The following SH3RF2 variants were observed in gnomAD, a reference collection of about 807,000 sequenced individuals.
SH3RF2 encodes E3 ubiquitin-protein ligase SH3RF2.
A neutral mutation model predicts 59.0 loss-of-function variants in SH3RF2; 43 were observed. That is an observed-to-expected ratio of 0.73 (90% CI 0.57 to 0.94). The LOEUF (loss-of-function observed/expected upper bound fraction) is 0.94. Among genes scored for constraint, SH3RF2 ranks in the 40% least tolerant of loss-of-function variants. The probability of loss-of-function intolerance (pLI) is 0.00; values close to 1 mark genes in which losing one functional copy is unlikely to be tolerated. For missense variants in SH3RF2, 930 were observed against 940.1 expected (o/e 0.99, Z 0.14); for synonymous variants, 391 against 391.5 (o/e 1.00, Z 0.01).
At position 146,059,942 on chromosome 5, in the gene SH3RF2, G is replaced by A; in HGVS notation, c.1632G>A (p.Met544Ile). Residue 544 changes from methionine to isoleucine, a missense_variant, in exon 9 of 10, where the codon ATG (methionine) becomes ATA (isoleucine). Transcript: ENST00000359120. ...VVGSLRRSPT[M>I]VLRPQQFQFY... Reference sequence around the variant, plus strand: ...GCTCCCTCAGACGCAGCCCCACCATGGTCCTTCGGCCTCAGCAGTTCCAAT... The same window carrying A: ...GCTCCCTCAGACGCAGCCCCACCATAGTCCTTCGGCCTCAGCAGTTCCAAT... 6.5e-7 allele frequency: 1 copy of A among 1,528,214 alleles called. No homozygotes were observed. Among genetic ancestry groups the A allele is most frequent in the African/African-American group, 1.4e-5 (1 of 72,276 alleles). The allele number at this position is 1,528,214 out of a possible 1,614,324, so 94.7% of individuals were successfully genotyped here. A position where few individuals can be genotyped will look rare whatever the true frequency, so the allele number is the denominator to read the frequency against.
At chr5:145,979,587 T>A (rs1759434023) in intron 2 of SH3RF2, among the ~76,000 whole-genome samples, 1 of 152,172 alleles carries the variant, frequency 6.6e-6, no homozygotes, top group Non-Finnish European at 1.5e-5. Flanking sequence ...AAATACCCCA[T>A]CATGGCTACT....
intron 2 of SH3RF2, among the ~76,000 whole-genome samples, chr5:145,982,584 G>A (rs1209892280): frequency 1.3e-5 from 2 of 152,190 alleles, no homozygotes; most frequent in African/African-American, 4.8e-5. Flanking sequence ...GAAATTAGGA[G>A]ACTATCATTC....
chr5:145,995,648 A>G (rs1440165459), intron 2 of SH3RF2, among the ~76,000 whole-genome samples: 1 of 152,214 alleles, frequency 6.6e-6, no homozygotes, highest in Non-Finnish European at 1.5e-5. Context: ...TTATTATAGA[A>G]AAGTTAGAGA....
At chr5:145,995,850 A>C (rs1014321568) in intron 2 of SH3RF2, among the ~76,000 whole-genome samples, 6 of 152,210 alleles carry the variant, frequency 3.9e-5, no homozygotes, top group Non-Finnish European at 8.8e-5. Context: ...ACTTAATGGT[A>C]TATTATCAGT....
intron 2 of SH3RF2, among the ~76,000 whole-genome samples, chr5:145,950,071 GA>G (rs1167791092): frequency 6.6e-6 from 1 of 152,182 alleles, no homozygotes; most frequent in Non-Finnish European, 1.5e-5. Context: ...AAGAAAGGTG[GA>G]TATAGTTGCT....
chr5:146,057,713 G>T (rs1242671293), intron 8 of SH3RF2, among the ~76,000 whole-genome samples: 1 of 152,084 alleles, frequency 6.6e-6, no homozygotes, highest in Non-Finnish European at 1.5e-5. Context: ...GCTGAGGTGG[G>T]AACATTACTT....
intron 5 of SH3RF2, among the ~76,000 whole-genome samples, chr5:146,042,148 G>A (rs1463930550): frequency 6.6e-6 from 1 of 152,046 alleles, no homozygotes; most frequent in Non-Finnish European, 1.5e-5. Context: ...GCCACGGCAT[G>A]GGATGGAGAA....
At chr5:145,997,073 G>T in intron 2 of SH3RF2, 1 of 556,048 alleles carries the variant, frequency 1.8e-6, no homozygotes, top group South Asian at 2.0e-5. Context: ...TACATGTGAA[G>T]GTTTGTTACA....
intron 2 of SH3RF2, among the ~76,000 whole-genome samples, chr5:145,998,810 C>T (rs894783576): frequency 6.6e-6 from 1 of 152,070 alleles, no homozygotes; most frequent in Non-Finnish European, 1.5e-5. Flanking sequence ...AGTCGGGAGG[C>T]TGAGGCAGGA....
chr5:146,050,860 A>G (rs1001473834), intron 7 of SH3RF2, among the ~76,000 whole-genome samples: 1 of 152,208 alleles, frequency 6.6e-6, no homozygotes, highest in African/African-American at 2.4e-5. Context: ...TTTGCTGAGA[A>G]GTAAGAAGGA....
chr5:146,055,693 A>G (rs1370099833), intron 7 of SH3RF2: 1 of 458,762 alleles, frequency 2.2e-6, no homozygotes. Flanking sequence ...AATGATCAGA[A>G]CTGGAGTGAA....
chr5:146,068,647 G>C (rs541744999), intron 9 of SH3RF2, among the ~76,000 whole-genome samples: 3 of 152,210 alleles, frequency 2.0e-5, no homozygotes, highest in African/African-American at 7.2e-5. Context: ...TTGAAATAGA[G>C]CAATGTTAAA....
chr5:145,982,216 T>C (rs1759531693), intron 2 of SH3RF2, among the ~76,000 whole-genome samples: 1 of 152,150 alleles, frequency 6.6e-6, no homozygotes, highest in African/African-American at 2.4e-5. Flanking sequence ...TGCTAATCCA[T>C]AAGGCTCAGT....
At chr5:146,043,286 C>G (rs1395331767) in intron 5 of SH3RF2, among the ~76,000 whole-genome samples, 9 of 152,122 alleles carry the variant, frequency 5.9e-5, no homozygotes, top group African/African-American at 2.2e-4. Flanking sequence ...CCATAGGTTC[C>G]CATTCTTGGT....
At chr5:146,034,257 A>T (rs1011026520) in intron 5 of SH3RF2, among the ~76,000 whole-genome samples, 19 of 152,186 alleles carry the variant, frequency 1.2e-4, no homozygotes, top group Non-Finnish European at 2.4e-4. Flanking sequence ...TTAATTGCCC[A>T]AACAGCCTGG....
intron 5 of SH3RF2, among the ~76,000 whole-genome samples, chr5:146,028,909 G>A (rs762435317): frequency 1.3e-5 from 2 of 152,124 alleles, no homozygotes; most frequent in Non-Finnish European, 2.9e-5. Flanking sequence ...AAACACGAAC[G>A]CGCTCCTAGC....
At chr5:146,064,386 C>T (rs1284820550), downstream of SH3RF2, among the ~76,000 whole-genome samples, 2 of 151,866 alleles carry the variant, frequency 1.3e-5, no homozygotes, top group East Asian at 3.9e-4. Context: ...GCCTTGTAAT[C>T]AGGGTAGAGG....
intron 2 of SH3RF2, among the ~76,000 whole-genome samples, chr5:145,942,577 GT>G (rs1340074432): frequency 1.3e-5 from 2 of 152,338 alleles, no homozygotes; most frequent in Non-Finnish European, 2.9e-5. Flanking sequence ...TAATAGAGCT[GT>G]GATACAGACA....
chr5:146,058,519 T>A (rs980736912), intron 8 of SH3RF2, among the ~76,000 whole-genome samples: 2 of 152,220 alleles, frequency 1.3e-5, no homozygotes, highest in African/African-American at 2.4e-5. Context: ...CTGCTTTTCA[T>A]GTACACATCT....
Sources: allele counts gnomAD v4.1 joint callset (sites outside exome capture counted in the v4.1 genomes callset), GRCh38; gene constraint gnomAD v4.1.1; transcripts MANE v1.5; gene names NCBI Gene and HGNC (gene_info 2026-07-23, HGNC 2026-07-21).